REPS2: variants seen among roughly 807,000 people sequenced by gnomAD.
REPS2 encodes the protein ralBP1-associated Eps domain-containing protein 2.
In REPS2, 23 loss-of-function variants were observed where a neutral mutation model predicts 53.6. The ratio of observed to expected loss-of-function variants is 0.43; its 90% CI spans 0.31 to 0.61. The LOEUF (loss-of-function observed/expected upper bound fraction) is 0.61. Ranked by LOEUF, REPS2 falls within the 20% of genes least tolerant of loss-of-function variation. REPS2 has a pLI of 0.11. For missense variants in REPS2, 446 were observed against 534.9 expected, an observed-to-expected ratio of 0.83 and a Z score of 1.64; for synonymous variants, 238 against 218.6, an observed-to-expected ratio of 1.09 and a Z score of -0.78.
intron 1 of REPS2, among the ~76,000 whole-genome samples, chrX:17,005,979 G>T (rs2061358243): frequency 8.9e-6 from 1 of 111,808 alleles, no homozygotes; most frequent in South Asian, 3.7e-4. Context: ...CTCTTTGGAA[G>T]AGGAGGAATA....
chrX:16,998,807 C>T (rs188503570), intron 1 of REPS2, among the ~76,000 whole-genome samples: 287 of 112,291 alleles, frequency 2.6e-3, no homozygotes, highest in Middle Eastern at 9.2e-3. Flanking sequence ...TCTACCTCCA[C>T]TCCTGCACCG....
the REPS2 span, among the ~76,000 whole-genome samples, chrX:17,181,243 G>T: frequency 8.9e-6 from 1 of 112,416 alleles, no homozygotes; most frequent in African/African-American, 3.2e-5. Context: ...GGAAATTATC[G>T]TGGACAAATA....
chrX:17,190,444 A>G, the REPS2 span, among the ~76,000 whole-genome samples: 529 of 112,395 alleles, frequency 4.7e-3, 5 homozygotes, highest in African/African-American at 0.016. Context: ...GCTAAAGGCT[A>G]CAACACACTG....
the REPS2 span, among the ~76,000 whole-genome samples, chrX:17,178,802 A>G: frequency 4.5e-5 from 5 of 110,054 alleles, 1 homozygote; most frequent in African/African-American, 1.3e-4. Flanking sequence ...GTGGCGTCGG[A>G]GGCAGGAGAA....
intron 1 of REPS2, among the ~76,000 whole-genome samples, chrX:16,962,322 C>G (rs1326929738): frequency 2.0e-5 from 2 of 99,382 alleles, no homozygotes; most frequent in Admixed American, 1.1e-4. Context: ...CACACACACA[C>G]ACAGATGACA....
At position 16,946,840 on chromosome X, in the gene REPS2, G is replaced by T; in HGVS notation, c.-22G>T. 2.6e-6 allele frequency: 2 copies of T among 760,351 alleles called. No homozygotes were observed. Among genetic ancestry groups the T allele is most frequent in the Non-Finnish European group, 3.1e-6 (2 of 645,756 alleles). 62.7% of individuals were successfully genotyped at this position (760,351 alleles called of 1,213,427 possible). A position where few individuals can be genotyped will look rare whatever the true frequency, so the allele number is the denominator to read the frequency against. On this transcript the variant is annotated 5_prime_UTR_variant, in exon 1 of 18. Transcript: ENST00000357277. ...GCACCCCAGCTAGGGACAGGGCTCC[G>T]CCGCGCCCCCTTGCTGGCCCCATGG... is the stretch of plus-strand genomic sequence containing the variant.
At chrX:17,002,934 A>G (rs1030450378) in intron 1 of REPS2, among the ~76,000 whole-genome samples, 1 of 112,273 alleles carries the variant, frequency 8.9e-6, no homozygotes, top group Non-Finnish European at 1.9e-5. Flanking sequence ...GTGTGAGATG[A>G]CTAAAGCCAA....
intron 1 of REPS2, among the ~76,000 whole-genome samples, chrX:16,974,009 T>C (rs1418999459): frequency 9.0e-6 from 1 of 111,688 alleles, no homozygotes; most frequent in Non-Finnish European, 1.9e-5. Context: ...TTTTATTCTT[T>C]AGTTTTGCAA....
chrX:17,081,145 TA>T (rs2062450505), intron 13 of REPS2, among the ~76,000 whole-genome samples: 1 of 112,080 alleles, frequency 8.9e-6, no homozygotes, highest in East Asian at 2.8e-4. Flanking sequence ...AAGGGAAAGA[TA>T]AAATGAAGCC....
chrX:17,093,579 A>G (rs2062655995), intron 13 of REPS2, among the ~76,000 whole-genome samples: 1 of 110,198 alleles, frequency 9.1e-6, no homozygotes. Flanking sequence ...TAAAATGTTG[A>G]TTATTTTGGT....
chrX:16,986,214 C>G (rs1165435913), intron 1 of REPS2, among the ~76,000 whole-genome samples: 1 of 111,691 alleles, frequency 9.0e-6, no homozygotes, highest in Non-Finnish European at 1.9e-5. Context: ...TCTGTCAGCT[C>G]ACGAGTGTGT....
At chrX:17,062,859 C>T (rs1383923866) in intron 9 of REPS2, among the ~76,000 whole-genome samples, 1 of 112,082 alleles carries the variant, frequency 8.9e-6, no homozygotes, top group Non-Finnish European at 1.9e-5. Flanking sequence ...TTACTTTAAC[C>T]AAGCTTTAAT....
At chrX:17,085,187 A>G (rs751993765) in intron 13 of REPS2, among the ~76,000 whole-genome samples, 60 of 112,249 alleles carry the variant, frequency 5.3e-4, no homozygotes, top group African/African-American at 1.6e-3. Flanking sequence ...TTAACCATAA[A>G]CATAAGGATT....
chrX:17,085,094 G>A (rs923341636), intron 13 of REPS2, among the ~76,000 whole-genome samples: 2 of 111,859 alleles, frequency 1.8e-5, no homozygotes, highest in African/African-American at 6.5e-5. Context: ...TCTGCATGTG[G>A]ATATACAGTT....
chrX:17,116,519 CTATT>C (rs2063058473), intron 14 of REPS2, among the ~76,000 whole-genome samples: 1 of 111,832 alleles, frequency 8.9e-6, no homozygotes, highest in Admixed American at 9.5e-5. Flanking sequence ...TCACTTTCAT[CTATT>C]TATGTTGTGA....
intron 2 of REPS2, among the ~76,000 whole-genome samples, chrX:17,016,597 T>G (rs1225724894): frequency 9.1e-6 from 1 of 110,066 alleles, no homozygotes; most frequent in Non-Finnish European, 1.9e-5. Context: ...TTAGTAGAGA[T>G]GGGGTTTCAC....
At chrX:17,004,972 T>A (rs2061347181) in intron 1 of REPS2, among the ~76,000 whole-genome samples, 1 of 111,417 alleles carries the variant, frequency 9.0e-6, no homozygotes, top group South Asian at 3.7e-4. Context: ...GTGCTGAGGT[T>A]ATAGGCATGA....
intron 15 of REPS2, among the ~76,000 whole-genome samples, chrX:17,134,950 G>A (rs2063345585): frequency 9.0e-6 from 1 of 111,476 alleles, no homozygotes; most frequent in Admixed American, 9.5e-5. Flanking sequence ...GCTTCAAAGT[G>A]AGGCAGGAGC....
chrX:17,050,460 C>T lies in REPS2; in HGVS notation c.908-1922C>T, dbSNP rs1481428839. Among the ~76,000 whole-genome samples the T allele has an allele frequency of 2.8e-5, 3 of 108,601 alleles. No individual in the cohort carries two copies. In the Admixed American group the frequency reaches 3.0e-4, roughly 11 times the overall value. The allele number at this position is 108,601 out of a possible 115,157, so 94.3% of individuals were successfully genotyped here. A position where few individuals can be genotyped will look rare whatever the true frequency, so the allele number is the denominator to read the frequency against. On this transcript the variant is annotated intron_variant, in intron 6 of 17. Transcript: ENST00000357277. ...ATAGTTACTATTGTGTCCCAACTGCCTATAGTATTCAGTACAGGAACATGC... is the reference window on the plus strand; with the variant it reads ...ATAGTTACTATTGTGTCCCAACTGCTTATAGTATTCAGTACAGGAACATGC...
Sources: gnomAD v4.1 joint callset for allele counts (sites outside exome capture counted in the v4.1 genomes callset) on GRCh38, gnomAD v4.1.1 for gene constraint, MANE v1.5 for transcripts, NCBI Gene and HGNC (gene_info 2026-07-23, HGNC 2026-07-21) for gene names.